The following SORBS2 variants were observed in gnomAD, a reference collection of about 807,000 sequenced individuals.
SORBS2 encodes the protein sorbin and SH3 domain-containing protein 2.
In SORBS2, 46 loss-of-function variants were observed where a neutral mutation model predicts 97.7. The ratio of observed to expected loss-of-function variants is 0.47; its 90% confidence interval spans 0.37 to 0.60. The LOEUF is 0.60. Among genes scored for constraint, SORBS2 ranks in the 20% least tolerant of loss-of-function variants. SORBS2 has a pLI of 0.00. For synonymous variants in SORBS2, 476 were observed against 473.4 expected, an observed-to-expected ratio of 1.01 and a Z score of -0.07; for missense variants, 1,316 against 1,282.3, an observed-to-expected ratio of 1.03 and a Z score of -0.40.
intron 8 of SORBS2, among the ~76,000 whole-genome samples, chr4:185,619,784 T>C (rs2096686700): frequency 6.6e-6 from 1 of 152,076 alleles, no homozygotes; most frequent in African/African-American, 2.4e-5. Flanking sequence ...CACTTTTAGG[T>C]CATAATGGTT....
At chr4:185,900,073 C>G (rs1352711341) in intron 1 of SORBS2, among the ~76,000 whole-genome samples, 1 of 152,120 alleles carries the variant, frequency 6.6e-6, no homozygotes, top group African/African-American at 2.4e-5. Context: ...GCTATGATCA[C>G]ACCTGTGAAT....
intron 4 of SORBS2, chr4:185,665,815 C>A (rs538992367): frequency 9.0e-7 from 1 of 1,114,276 alleles, no homozygotes; most frequent in Non-Finnish European, 1.1e-6. Context: ...TGTCTCAGAA[C>A]GGCCAGTGGT....
chr4:185,622,962 T>A, exon 7 of SORBS2: 1 of 1,613,910 alleles, frequency 6.2e-7, no homozygotes, highest in Non-Finnish European at 8.5e-7. Context: ...CTGTTGGCTG[T>A]GTCCACGTCT....
At position 185,623,680 on chromosome 4, in the gene SORBS2, A is replaced by AAT; in HGVS notation, c.1447_1448dup (p.His484PhefsTer35). 6.2e-7 allele frequency: 1 copy of AAT among 1,613,988 alleles called. No individual in the cohort carries two copies. Among genetic ancestry groups the AAT allele is most frequent in the Non-Finnish European group, 8.5e-7 (1 of 1,180,008 alleles). On this transcript the variant is annotated frameshift_variant, in exon 7 of 15. Coordinates refer to ENST00000418609, the Ensembl canonical transcript of SORBS2. LOFTEE classifies it high-confidence loss of function. The surrounding 1 kb of genome is among the most constrained non-coding windows in gnomAD (Gnocchi z 6.4). ...GCTCATCGCTGGTGACTTCAATGTG[A>AAT]ATGGGCACCAGGGCGTTAGACTGGC...
At chr4:185,884,770 G>A (rs531345107) in intron 1 of SORBS2, among the ~76,000 whole-genome samples, 3 of 152,266 alleles carry the variant, frequency 2.0e-5, no homozygotes, top group African/African-American at 4.8e-5. Context: ...ATATGGAGTC[G>A]GTGTATTCCC....
At chr4:185,743,874 T>A (rs1318064131) in intron 2 of SORBS2, among the ~76,000 whole-genome samples, 3 of 149,920 alleles carry the variant, frequency 2.0e-5, no homozygotes, top group African/African-American at 7.4e-5. Context: ...CTCCTCCTCC[T>A]CCTCTTTCTC....
At chr4:185,745,596 A>T (rs79543385) in intron 2 of SORBS2, among the ~76,000 whole-genome samples, 1 of 152,188 alleles carries the variant, frequency 6.6e-6, no homozygotes, top group Non-Finnish European at 1.5e-5. Flanking sequence ...ACTGCAAGCA[A>T]TCACACTATA....
intron 1 of SORBS2, among the ~76,000 whole-genome samples, chr4:185,793,816 C>CTA (rs1176325197): frequency 1.3e-5 from 2 of 152,204 alleles, no homozygotes; most frequent in African/African-American, 4.8e-5. Flanking sequence ...ACGACTGGTC[C>CTA]TATGATCTAT....
chr4:185,786,686 G>A (rs567798700), intron 1 of SORBS2, among the ~76,000 whole-genome samples: 1 of 152,342 alleles, frequency 6.6e-6, no homozygotes, highest in African/African-American at 2.4e-5. Context: ...GACAGGCTGG[G>A]CATCGTGGCT....
chr4:185,816,994 G>C (rs1243428171), intron 1 of SORBS2, among the ~76,000 whole-genome samples: 1 of 152,214 alleles, frequency 6.6e-6, no homozygotes, highest in African/African-American at 2.4e-5. Context: ...AATGTGGCAA[G>C]AGGTACAGGA....
intron 12 of SORBS2, among the ~76,000 whole-genome samples, chr4:185,597,186 G>A (rs1162559875): frequency 6.6e-6 from 1 of 152,162 alleles, no homozygotes. Flanking sequence ...GCTCATCTGC[G>A]TCTTTCTGTT....
intron 1 of SORBS2, among the ~76,000 whole-genome samples, chr4:185,938,425 CA>C (rs1273366553): frequency 1.9e-3 from 284 of 151,574 alleles, no homozygotes; most frequent in African/African-American, 5.5e-3. Context: ...CACACACACA[CA>C]CACACCCTTT....
chr4:185,789,836 A>G (rs4515204), intron 1 of SORBS2, among the ~76,000 whole-genome samples: 28,794 of 152,098 alleles, frequency 0.19, 3,678 homozygotes, highest in East Asian at 0.34. Context: ...TTTTGCTGCT[A>G]TTCTTGCTTC....
At chr4:185,640,470 T>C (rs993526058) in intron 4 of SORBS2, among the ~76,000 whole-genome samples, 2 of 152,200 alleles carry the variant, frequency 1.3e-5, no homozygotes, top group African/African-American at 4.8e-5. Flanking sequence ...ATCCTACTAT[T>C]AGACATAGGA....
intron 1 of SORBS2, 66 bp from the exon 2 acceptor site, chr4:185,775,432 C>G (rs539085786): frequency 2.0e-5 from 3 of 152,596 alleles, no homozygotes; most frequent in Non-Finnish European, 2.9e-5. Flanking sequence ...CTGGGTGGTG[C>G]TACTGTTCTG....
At chr4:185,841,212 C>T (rs1561225399) in intron 1 of SORBS2, among the ~76,000 whole-genome samples, 1 of 152,154 alleles carries the variant, frequency 6.6e-6, no homozygotes, top group Non-Finnish European at 1.5e-5. Flanking sequence ...GGTAATAACA[C>T]AGTCAGAGGA....
At chr4:185,615,049 A>G (rs1203331660) in exon 10 of SORBS2, 1 of 1,612,858 alleles carries the variant, frequency 6.2e-7, no homozygotes, top group Non-Finnish European at 8.5e-7. Flanking sequence ...ACCTACCTCT[A>G]CGTATGAGAT....
chr4:185,772,847 C>G (rs577556305), intron 2 of SORBS2: 1 of 152,174 alleles, frequency 6.6e-6, no homozygotes, highest in Non-Finnish European at 1.5e-5. Flanking sequence ...AGTCACCTGG[C>G]CTTGGGTTAT....
At chr4:185,751,078 G>T (rs1463175889) in intron 2 of SORBS2, among the ~76,000 whole-genome samples, 2 of 149,672 alleles carry the variant, frequency 1.3e-5, no homozygotes, top group African/African-American at 4.9e-5. Flanking sequence ...CATGATACAG[G>T]ATTTAAACAA....
Sources: gnomAD v4.1 joint callset for allele counts (sites outside exome capture counted in the v4.1 genomes callset) on GRCh38, gnomAD v4.1.1 for gene constraint, Gnocchi (gnomAD v3.1) non-coding constraint, MANE v1.5 for transcripts, NCBI Gene and HGNC (gene_info 2026-07-23, HGNC 2026-07-21) for gene names.